Variants in SSBP3 observed in about 807,000 individuals in gnomAD.
SSBP3 encodes the protein single stranded DNA binding protein 3, also known as single-stranded DNA-binding protein 3.
SSBP3 carries 5 observed loss-of-function variants against 69.6 expected under a neutral mutation model. That is an observed-to-expected ratio of 0.07 (90% CI 0.04 to 0.15). SSBP3 has a LOEUF of 0.15. Among genes scored for constraint, SSBP3 ranks in the 10% least tolerant of loss-of-function variants. The pLI, the probability that SSBP3 is intolerant of heterozygous loss-of-function variation, is 1.00. For missense variants in SSBP3, 312 were observed against 534.0 expected (o/e 0.58, Z 4.10); for synonymous variants, 196 against 193.4 (o/e 1.01, Z -0.11).
intron 4 of SSBP3, among the ~76,000 whole-genome samples, chr1:54,284,444 TA>T (rs1645451391): frequency 1.8e-5 from 2 of 108,992 alleles, no homozygotes; most frequent in South Asian, 8.1e-4. Context: ...GGATCTAGAC[TA>T]AGGGTAAGTT....
At chr1:54,402,736 C>G (rs972997274) in intron 3 of SSBP3, among the ~76,000 whole-genome samples, 2 of 152,154 alleles carry the variant, frequency 1.3e-5, no homozygotes, top group African/African-American at 2.4e-5. Flanking sequence ...GCCTCACCCC[C>G]CACTAAAGAT....
chr1:54,245,275 C>T (rs55723854), intron 9 of SSBP3, among the ~76,000 whole-genome samples: 97,148 of 151,696 alleles, frequency 0.64, 31,991 homozygotes, highest in African/African-American at 0.8. Flanking sequence ...GTTCCCACTT[C>T]AGTCTCCCAG....
At chr1:54,409,096 C>T (rs898852032), upstream of SSBP3, among the ~76,000 whole-genome samples, 1 of 152,184 alleles carries the variant, frequency 6.6e-6, no homozygotes, top group Admixed American at 6.5e-5. Flanking sequence ...AGTCCAAACA[C>T]CCATGAACAG....
chr1:54,385,737 T>C (rs1399005377), intron 4 of SSBP3, among the ~76,000 whole-genome samples: 1 of 152,208 alleles, frequency 6.6e-6, no homozygotes, highest in Non-Finnish European at 1.5e-5. Context: ...CTCTGCTTCA[T>C]TATCTCAAAG....
intron 14 of SSBP3, among the ~76,000 whole-genome samples, chr1:54,230,525 A>AT (rs1315578829): frequency 5.3e-5 from 8 of 152,178 alleles, no homozygotes; most frequent in Non-Finnish European, 8.8e-5. Flanking sequence ...TTTTATTGAG[A>AT]TATAATTCAC....
chr1:54,411,409 C>G (rs528201174), upstream of SSBP3, among the ~76,000 whole-genome samples: 1 of 149,208 alleles, frequency 6.7e-6, no homozygotes, highest in South Asian at 2.1e-4. Context: ...ACCCAGGAGG[C>G]GGGGGTTGCA....
At chr1:54,335,038 G>A (rs979928291) in intron 4 of SSBP3, among the ~76,000 whole-genome samples, 1 of 152,190 alleles carries the variant, frequency 6.6e-6, no homozygotes, top group African/African-American at 2.4e-5. Flanking sequence ...GCAACCCCCA[G>A]GAAAGGACAA....
chr1:54,270,091 T>C (rs1645167447), intron 5 of SSBP3, among the ~76,000 whole-genome samples: 1 of 152,222 alleles, frequency 6.6e-6, no homozygotes, highest in African/African-American at 2.4e-5. Context: ...GGATTTCCCA[T>C]CTGCCATTCA....
chr1:54,305,177 T>C (rs1645876560), intron 4 of SSBP3, among the ~76,000 whole-genome samples: 1 of 151,930 alleles, frequency 6.6e-6, no homozygotes, highest in Non-Finnish European at 1.5e-5. Flanking sequence ...CTTAACTAAG[T>C]AAGATGGAAA....
At chr1:54,242,309 A>G (rs1644653792) in intron 10 of SSBP3, 97 bp from the exon 11 acceptor site, 3 of 1,427,742 alleles carry the variant, frequency 2.1e-6, no homozygotes, top group African/African-American at 2.8e-5. Context: ...TGAAATCACA[A>G]CAGGAAGTCC....
chr1:54,378,717 G>A (rs1293505001), intron 4 of SSBP3, among the ~76,000 whole-genome samples: 5 of 152,306 alleles, frequency 3.3e-5, no homozygotes, highest in East Asian at 3.9e-4. Context: ...AGTGAGGCCC[G>A]GGGCTGAGTT....
chr1:54,351,136 A>AT (rs1646775234), intron 4 of SSBP3, among the ~76,000 whole-genome samples: 1 of 152,110 alleles, frequency 6.6e-6, no homozygotes, highest in African/African-American at 2.4e-5. Flanking sequence ...CTTAAATGCT[A>AT]TTTTTTATAA....
chr1:54,331,158 T>C (rs1231571704), intron 4 of SSBP3, among the ~76,000 whole-genome samples: 1 of 152,172 alleles, frequency 6.6e-6, no homozygotes, highest in Non-Finnish European at 1.5e-5. Context: ...TGTAACGTCC[T>C]CTATATAGAA....
intron 14 of SSBP3, among the ~76,000 whole-genome samples, chr1:54,232,337 C>A (rs1341049950): frequency 1.3e-5 from 2 of 152,166 alleles, no homozygotes; most frequent in African/African-American, 4.8e-5. Context: ...TGCTCTGTCA[C>A]CCAAGCTAGA....
intron 4 of SSBP3, among the ~76,000 whole-genome samples, chr1:54,290,712 C>T (rs1569644168): frequency 6.6e-6 from 1 of 152,338 alleles, no homozygotes; most frequent in East Asian, 1.9e-4. Flanking sequence ...CCAGCCAGTG[C>T]ACCCTCCTCC....
intron 4 of SSBP3, among the ~76,000 whole-genome samples, chr1:54,395,257 G>A (rs1295176700): frequency 2.0e-5 from 3 of 152,170 alleles, no homozygotes; most frequent in Admixed American, 6.5e-5. Flanking sequence ...TCCCCATGGT[G>A]GGCTGTGCCA....
intron 5 of SSBP3, among the ~76,000 whole-genome samples, chr1:54,276,717 T>TTG (rs1416814879): frequency 6.6e-6 from 1 of 151,820 alleles, no homozygotes; most frequent in Non-Finnish European, 1.5e-5. Flanking sequence ...AGAGTAACTG[T>TTG]TGTGGAACAC....
intron 9 of SSBP3, among the ~76,000 whole-genome samples, chr1:54,246,447 G>C (rs1644735223): frequency 6.6e-6 from 1 of 152,238 alleles, no homozygotes; most frequent in African/African-American, 2.4e-5. Context: ...TCCCATCCAA[G>C]AGAAAGGCCT....
At chr1:54,241,274 A>AC (rs1201009151) in intron 12 of SSBP3, among the ~76,000 whole-genome samples, 200 bp downstream of exon 12, 1 of 151,800 alleles carries the variant, frequency 6.6e-6, no homozygotes, top group Non-Finnish European at 1.5e-5. Flanking sequence ...AGGCAATTCC[A>AC]CCCCCAGGTC....
Sources: allele counts gnomAD v4.1 joint callset (sites outside exome capture counted in the v4.1 genomes callset), GRCh38; gene constraint gnomAD v4.1.1; transcripts MANE v1.5; gene names NCBI Gene and HGNC (gene_info 2026-07-23, HGNC 2026-07-21).